The following MYO10 variants were observed in gnomAD, a reference collection of about 807,000 sequenced individuals.
MYO10 encodes myosin X, also known as unconventional myosin-X.
In MYO10, 133 loss-of-function variants were observed where a neutral mutation model predicts 257.3. The observed-to-expected ratio is 0.52, with a 90% confidence interval of 0.45 to 0.60. MYO10 has a LOEUF of 0.60. MYO10 is among the 20% of genes least tolerant of loss of function. MYO10 has a pLI of 0.00. For synonymous variants in MYO10, 1,104 were observed against 1,028.6 expected, an observed-to-expected ratio of 1.07 and a Z score of -1.40; for missense variants, 2,399 against 2,635.7, an observed-to-expected ratio of 0.91 and a Z score of 1.97.
intron 2 of MYO10, among the ~76,000 whole-genome samples, 198 bp from the exon 3 acceptor site, chr5:16,818,365 TGTGTGTGTGTGTGTGC>T (rs1441366487): frequency 1.5e-4 from 5 of 33,142 alleles, no homozygotes; most frequent in East Asian, 1.7e-3. Flanking sequence ...TGTATGTATG[TGTGTGTGTGTGTGTGC>T]GTGTGTGTGT....
chr5:16,818,984 T>G (rs1023425839), intron 2 of MYO10, among the ~76,000 whole-genome samples: 4 of 152,184 alleles, frequency 2.6e-5, no homozygotes, highest in African/African-American at 9.7e-5. Context: ...TTTCAAAGCT[T>G]TATAATAGTT....
chr5:16,759,648 C>T (rs1394727065), intron 17 of MYO10, among the ~76,000 whole-genome samples: 1 of 152,188 alleles, frequency 6.6e-6, no homozygotes. Flanking sequence ...CGAAACTCCA[C>T]CTCGCTGGTC....
At chr5:16,849,844 G>A (rs948159538) in intron 2 of MYO10, among the ~76,000 whole-genome samples, 2 of 151,962 alleles carry the variant, frequency 1.3e-5, no homozygotes, top group Non-Finnish European at 2.9e-5. Context: ...TAAAATATCC[G>A]CCAACCCATA....
chr5:16,675,216 G>A (rs895232550), intron 34 of MYO10, 66 bp from the exon 35 acceptor site: 6 of 1,535,248 alleles, frequency 3.9e-6, no homozygotes, highest in South Asian at 1.1e-5. Context: ...AGCATAATCG[G>A]AGCAGTAGTC....
At chr5:16,800,524 T>C (rs923239236) in intron 3 of MYO10, among the ~76,000 whole-genome samples, 5 of 152,234 alleles carry the variant, frequency 3.3e-5, no homozygotes, top group South Asian at 4.1e-4. Flanking sequence ...TCGTGGGTTC[T>C]TTACCCAGGT....
Position 16,671,526 on chromosome 5 carries a change from C to G in MYO10, c.5326G>C (p.Glu1776Gln), listed in dbSNP as rs766063678. ...AKFEKLAATS[E>Q]VGDLPWKFYF... ...AATTTCCATGGCAGGTCCCCAACCTCGGATGTGGCAGCCAGCCTACAGAGA... is the reference window on the plus strand; with the variant it reads ...AATTTCCATGGCAGGTCCCCAACCTGGGATGTGGCAGCCAGCCTACAGAGA... The change falls in exon 38 of 41, where the codon GAG becomes CAG. Residue 1776 changes from glutamate to glutamine, a missense_variant. Glu to Gln is a conservative substitution (Grantham distance 29). Transcript: ENST00000513610. The G allele has an allele frequency of 6.2e-7, 1 of 1,613,818 alleles. No homozygotes were observed. The highest frequency in any genetic ancestry group is 1.3e-5 in the African/African-American group (1 of 74,906).
intron 2 of MYO10, among the ~76,000 whole-genome samples, chr5:16,851,151 T>C (rs1330637070): frequency 1.3e-5 from 2 of 152,172 alleles, no homozygotes; most frequent in Non-Finnish European, 2.9e-5. Flanking sequence ...ACTTTATTTC[T>C]ACCATGAGCT....
intron 19 of MYO10, among the ~76,000 whole-genome samples, chr5:16,731,005 A>T (rs189899510): frequency 2.6e-5 from 4 of 151,198 alleles, no homozygotes; most frequent in African/African-American, 9.7e-5. Flanking sequence ...GCCACCTCCA[A>T]GGCTGGCACA....
intron 2 of MYO10, among the ~76,000 whole-genome samples, chr5:16,848,626 G>T (rs1048761540): frequency 2.0e-5 from 3 of 152,124 alleles, no homozygotes; most frequent in African/African-American, 7.2e-5. Flanking sequence ...TTTGGGAAAC[G>T]CTCGTCGTTA....
intron 1 of MYO10, among the ~76,000 whole-genome samples, chr5:16,911,720 A>G (rs987002719): frequency 5.9e-5 from 9 of 152,096 alleles, no homozygotes; most frequent in South Asian, 2.1e-4. Context: ...TAACTGAGTG[A>G]GATCCTGTCT....
intron 6 of MYO10, 76 bp downstream of exon 6, chr5:16,781,629 A>T: frequency 7.1e-7 from 1 of 1,398,670 alleles, no homozygotes; most frequent in Admixed American, 2.3e-5. Flanking sequence ...ATTCTTTTTC[A>T]ATCCTTATAA....
chr5:16,866,014 AACACACACACACACACAC>A (rs34718010), intron 2 of MYO10, among the ~76,000 whole-genome samples: 12 of 136,480 alleles, frequency 8.8e-5, no homozygotes, highest in Non-Finnish European at 1.4e-4. Flanking sequence ...TATTTACCCA[AACACACACACACACACAC>A]ACACACACAC....
At chr5:16,906,829 T>C (rs776764370) in intron 1 of MYO10, among the ~76,000 whole-genome samples, 1 of 152,068 alleles carries the variant, frequency 6.6e-6, no homozygotes, top group South Asian at 2.1e-4. Flanking sequence ...GAAAAGTATC[T>C]GGCCAGGCAC....
chr5:16,837,243 C>G (rs766832087), intron 2 of MYO10, among the ~76,000 whole-genome samples: 1 of 151,928 alleles, frequency 6.6e-6, no homozygotes. Flanking sequence ...CCGGGAGGCA[C>G]AGGTTGCGGT....
intron 19 of MYO10, among the ~76,000 whole-genome samples, chr5:16,738,890 CAAA>C (rs36039787): frequency 3.9e-3 from 288 of 74,210 alleles, no homozygotes; most frequent in African/African-American, 0.015. Context: ...GACTCCATCT[CAAA>C]AAAAAAAAAA....
At chr5:16,694,334 G>A in intron 27 of MYO10, 37 bp downstream of exon 27, 1 of 1,612,196 alleles carries the variant, frequency 6.2e-7, no homozygotes, top group Non-Finnish European at 8.5e-7. Flanking sequence ...TAAACCATGA[G>A]CAACCCATCG....
chr5:16,781,156 T>G (rs1302769315), intron 6 of MYO10, among the ~76,000 whole-genome samples: 4 of 151,876 alleles, frequency 2.6e-5, no homozygotes, highest in Non-Finnish European at 5.9e-5. Context: ...CTCGGCTCAC[T>G]GCAACCTCTG....
intron 21 of MYO10, among the ~76,000 whole-genome samples, chr5:16,705,124 A>G (rs1384266241): frequency 6.6e-6 from 1 of 152,262 alleles, no homozygotes; most frequent in East Asian, 1.9e-4. Context: ...AGGGAAGCCA[A>G]GAAATTTCTA....
chr5:16,757,491 T>C (rs905919353), intron 18 of MYO10, among the ~76,000 whole-genome samples: 12 of 152,084 alleles, frequency 7.9e-5, no homozygotes, highest in African/African-American at 2.9e-4. Flanking sequence ...CATCCAGATA[T>C]GAGAAGAAAT....
Sources: allele counts gnomAD v4.1 joint callset (sites outside exome capture counted in the v4.1 genomes callset), GRCh38; gene constraint gnomAD v4.1.1; transcripts MANE v1.5; gene names NCBI Gene and HGNC (gene_info 2026-07-23, HGNC 2026-07-21).